VAV3: variants seen among roughly 807,000 people sequenced by gnomAD.
VAV3 encodes the protein vav guanine nucleotide exchange factor 3.
In VAV3, 94 loss-of-function variants were observed where a neutral mutation model predicts 131.2. The observed-to-expected ratio is 0.72, with a 90% confidence interval of 0.61 to 0.85. The LOEUF is 0.85. Ranked by LOEUF, VAV3 falls within the 40% of genes least tolerant of loss-of-function variation. The pLI, the probability that VAV3 is intolerant of heterozygous loss-of-function variation, is 0.00. For synonymous variants in VAV3, 349 were observed against 342.0 expected (o/e 1.02, Z -0.22); for missense variants, 939 against 1,002.7 (o/e 0.94, Z 0.86).
intron 22 of VAV3, among the ~76,000 whole-genome samples, chr1:107,605,254 G>A (rs954908967): frequency 1.3e-5 from 2 of 152,150 alleles, no homozygotes; most frequent in East Asian, 3.9e-4. Context: ...TAAGAGTATT[G>A]AAAGGTAGAA....
At chr1:107,720,104 A>C (rs1039625712) in intron 15 of VAV3, among the ~76,000 whole-genome samples, 4 of 152,184 alleles carry the variant, frequency 2.6e-5, no homozygotes, top group African/African-American at 9.7e-5. Flanking sequence ...AGAAATACCT[A>C]ATGTAAATGA....
intron 20 of VAV3, among the ~76,000 whole-genome samples, chr1:107,629,094 A>C (rs1382022114): frequency 2.0e-5 from 3 of 152,220 alleles, no homozygotes; most frequent in Non-Finnish European, 2.9e-5. Context: ...ATTAGCTTAC[A>C]AAACTCTCCC....
At chr1:107,891,655 A>G (rs1285785267) in intron 1 of VAV3, among the ~76,000 whole-genome samples, 1 of 152,082 alleles carries the variant, frequency 6.6e-6, no homozygotes. Flanking sequence ...CCTGGCCAAC[A>G]TGGTGAAACC....
intron 15 of VAV3, among the ~76,000 whole-genome samples, chr1:107,728,504 G>A (rs763126251): frequency 1.1e-4 from 17 of 151,964 alleles, no homozygotes; most frequent in Non-Finnish European, 1.8e-4. Flanking sequence ...GTGGGTGGGT[G>A]TTGCTCATGA....
At chr1:107,708,759 T>C (rs2101867252) in intron 15 of VAV3, among the ~76,000 whole-genome samples, 1 of 152,244 alleles carries the variant, frequency 6.6e-6, no homozygotes, top group Non-Finnish European at 1.5e-5. Context: ...ACTGGGAACT[T>C]CAAAATCACA....
At chr1:107,836,574 C>T (rs558333366) in intron 2 of VAV3, among the ~76,000 whole-genome samples, 14 of 151,960 alleles carry the variant, frequency 9.2e-5, no homozygotes, top group Non-Finnish European at 1.6e-4. Flanking sequence ...ATAAAATCAG[C>T]GAAGAACTAA....
intron 12 of VAV3, 38 bp downstream of exon 12, chr1:107,755,389 G>A (rs1450713407): frequency 7.1e-7 from 1 of 1,412,602 alleles, no homozygotes; most frequent in Non-Finnish European, 1.0e-6. Flanking sequence ...CGTTGATGTG[G>A]GGGTGAGGGG....
At chr1:107,708,010 A>C (rs1660556360) in intron 15 of VAV3, among the ~76,000 whole-genome samples, 4 of 152,240 alleles carry the variant, frequency 2.6e-5, no homozygotes, top group Admixed American at 1.3e-4. Flanking sequence ...CAAATCTACA[A>C]GGCAGAGTCA....
chr1:107,747,177 G>A (rs1232076052), intron 15 of VAV3, among the ~76,000 whole-genome samples: 1 of 152,052 alleles, frequency 6.6e-6, no homozygotes, highest in Non-Finnish European at 1.5e-5. Context: ...ATCACACCTG[G>A]CCATCAAGTC....
chr1:107,855,686 T>C (rs1669436573), intron 2 of VAV3, among the ~76,000 whole-genome samples: 1 of 152,216 alleles, frequency 6.6e-6, no homozygotes, highest in South Asian at 2.1e-4. Context: ...ATGTCCTTGT[T>C]AGGACTGGTA....
intron 2 of VAV3, among the ~76,000 whole-genome samples, chr1:107,849,777 C>G (rs1169669666): frequency 6.6e-6 from 1 of 152,134 alleles, no homozygotes; most frequent in Non-Finnish European, 1.5e-5. Flanking sequence ...ACAGAGTGAA[C>G]AGGCAACCTA....
intron 2 of VAV3, among the ~76,000 whole-genome samples, chr1:107,795,151 C>G (rs1666475380): frequency 6.6e-6 from 1 of 152,200 alleles, no homozygotes; most frequent in Admixed American, 6.5e-5. Flanking sequence ...ACTCTGAAGG[C>G]AGACAACAAT....
chr1:107,922,465 G>T (rs1435759931), intron 1 of VAV3, among the ~76,000 whole-genome samples: 4 of 152,064 alleles, frequency 2.6e-5, no homozygotes, highest in African/African-American at 9.7e-5. Context: ...AGTTTTATAT[G>T]AATATATATC....
intron 12 of VAV3, among the ~76,000 whole-genome samples, chr1:107,754,537 C>A (rs555322213): frequency 6.6e-6 from 1 of 152,306 alleles, no homozygotes; most frequent in South Asian, 2.1e-4. Context: ...GGGCTGCCTG[C>A]TCACAGGGTC....
chr1:107,649,120 T>C (rs1043280088), intron 19 of VAV3, among the ~76,000 whole-genome samples: 3 of 152,050 alleles, frequency 2.0e-5, no homozygotes, highest in Non-Finnish European at 4.4e-5. Context: ...TCTTAGAGCC[T>C]GACACGTCTG....
At chr1:107,604,986 C>T (rs1431713308) in intron 22 of VAV3, among the ~76,000 whole-genome samples, 1 of 152,116 alleles carries the variant, frequency 6.6e-6, no homozygotes, top group Non-Finnish European at 1.5e-5. Context: ...GTGCTCACTC[C>T]TTTATAGTGC....
chr1:107,828,014 C>T (rs1421976641), intron 2 of VAV3, among the ~76,000 whole-genome samples: 1 of 152,132 alleles, frequency 6.6e-6, no homozygotes, highest in Non-Finnish European at 1.5e-5. Flanking sequence ...TCAACACACC[C>T]CAAGACATGC....
chr1:107,882,414 C>T (rs1448262495), intron 1 of VAV3, among the ~76,000 whole-genome samples: 2 of 152,046 alleles, frequency 1.3e-5, no homozygotes, highest in African/African-American at 2.4e-5. Flanking sequence ...TTGGCAGTTT[C>T]GAAAGGCACA....
At position 107,858,687 on chromosome 1, in the gene VAV3, T is replaced by C. The variant is rs370236484; in HGVS notation, c.321+16214A>G. ...GTGGAACGGTTTCACCCCCAAACCA[T>C]TCCCCCAGTACTCGGTCCATGGAAA... On this transcript the variant is annotated intron_variant, in intron 2 of 26. Transcript: ENST00000370056. Among the ~76,000 whole-genome samples, 5 of 152,256 alleles carry C rather than the reference T, an allele frequency of 3.3e-5. No individual in the cohort carries two copies. The East Asian group carries it at 9.7e-4, about 29-fold the overall frequency.
Sources: gnomAD v4.1 joint callset for allele counts (sites outside exome capture counted in the v4.1 genomes callset) on GRCh38, gnomAD v4.1.1 for gene constraint, MANE v1.5 for transcripts, NCBI Gene and HGNC (gene_info 2026-07-23, HGNC 2026-07-21) for gene names.